The following EVA1A variants were observed in gnomAD, a reference collection of about 807,000 sequenced individuals.
EVA1A encodes eva-1 homolog A, regulator of programmed cell death.
EVA1A carries 7 observed loss-of-function variants against 9.8 expected under a neutral mutation model. That is an observed-to-expected ratio of 0.71 (90% CI 0.41 to 1.34). The LOEUF (loss-of-function observed/expected upper bound fraction) is 1.34. Ranked by LOEUF, EVA1A falls within the 40% of genes most tolerant of loss-of-function variation. The pLI is 0.01. For synonymous variants in EVA1A, 90 were observed against 85.6 expected (o/e 1.05, Z -0.28); for missense variants, 206 against 205.9 (o/e 1.00, Z 0.00).
intron 1 of EVA1A, among the ~76,000 whole-genome samples, chr2:75,532,332 A>T (rs1206325581): frequency 1.3e-5 from 2 of 152,174 alleles, no homozygotes; most frequent in East Asian, 3.8e-4. Flanking sequence ...CTTGTAACAC[A>T]GCCAGTGTTT....
Position 75,518,206 on chromosome 2 carries a change from C to T in EVA1A, c.-66G>A. 6.3e-7 allele frequency: 1 copy of T among 1,590,550 alleles called. No homozygotes were observed. The highest frequency in any genetic ancestry group is 8.5e-7 in the Non-Finnish European group (1 of 1,170,432). On this transcript the variant is annotated splice_region_variant and 5_prime_UTR_variant, in exon 3 of 4. Transcript: ENST00000393913. The stretch of plus-strand genomic sequence containing the variant: ...TCAACGTGGCCACTCTCCTTCTTCT[C>T]TTCTGTTTGGGAACATAAAGTGAGT...
intron 3 of EVA1A, chr2:75,517,700 G>T: frequency 1.5e-6 from 1 of 677,866 alleles, no homozygotes; most frequent in Non-Finnish European, 2.7e-6. Flanking sequence ...GCCTGTGTGA[G>T]GTTAACTGCA....
intron 1 of EVA1A, among the ~76,000 whole-genome samples, chr2:75,544,934 G>T (rs2103951001): frequency 6.6e-6 from 1 of 152,208 alleles, no homozygotes; most frequent in East Asian, 1.9e-4. Flanking sequence ...AAAATACAGG[G>T]GTACACTTGA....
chr2:75,551,513 C>T (rs1676523886), intron 1 of EVA1A, among the ~76,000 whole-genome samples: 1 of 152,244 alleles, frequency 6.6e-6, no homozygotes, highest in South Asian at 2.1e-4. Flanking sequence ...ATCCCCTTCC[C>T]TGTTGACTTC....
Position 75,493,120 on chromosome 2 carries a change from T to G in EVA1A, c.*116A>C, listed in dbSNP as rs553732587. ...TGGCTAGAAAAGGGGCATGTCCTGC[T>G]TTTTCTCTGAAATCACAATATTAGC... On this transcript the variant is annotated 3_prime_UTR_variant, in exon 4 of 4. Coordinates refer to ENST00000393913, the MANE Select transcript of EVA1A (RefSeq NM_001135032.2). The G allele has an allele frequency of 1.7e-5, 24 of 1,429,190 alleles. No individual in the cohort carries two copies. In the African/African-American group the frequency reaches 3.0e-4, roughly 18 times the overall value. The allele number at this position is 1,429,190 out of a possible 1,614,324, so 88.5% of individuals were successfully genotyped here. A position where few individuals can be genotyped will look rare whatever the true frequency, so the allele number is the denominator to read the frequency against.
intron 1 of EVA1A, among the ~76,000 whole-genome samples, chr2:75,566,560 G>A (rs1677032719): frequency 6.6e-6 from 1 of 152,152 alleles, no homozygotes. Context: ...ATGAAATATT[G>A]AGTAAAAAGC....
At chr2:75,531,534 T>TTA (rs57814618) in intron 1 of EVA1A, among the ~76,000 whole-genome samples, 45,249 of 149,984 alleles carry the variant, frequency 0.3, 8,159 homozygotes, top group African/African-American at 0.51. Flanking sequence ...TAATATGTAG[T>TTA]TATATATATA....
chr2:75,520,332 T>C (rs2103854129), intron 2 of EVA1A, among the ~76,000 whole-genome samples: 1 of 152,080 alleles, frequency 6.6e-6, no homozygotes. Flanking sequence ...TTTGCAGAAA[T>C]AAAAAAATCC....
intron 1 of EVA1A, among the ~76,000 whole-genome samples, chr2:75,566,590 T>A (rs76599032): frequency 0.025 from 3,808 of 152,312 alleles, 151 homozygotes; most frequent in African/African-American, 0.086. Context: ...GTATCCTCTT[T>A]ATCTGTTCTA....
At chr2:75,496,441 A>G (rs927268750) in intron 3 of EVA1A, among the ~76,000 whole-genome samples, 8 of 152,222 alleles carry the variant, frequency 5.3e-5, no homozygotes, top group Non-Finnish European at 1.2e-4. Context: ...AATTGCCACA[A>G]AAATAATAAA....
intron 1 of EVA1A, among the ~76,000 whole-genome samples, chr2:75,537,124 G>A (rs1002111817): frequency 1.3e-5 from 2 of 152,060 alleles, no homozygotes; most frequent in Non-Finnish European, 2.9e-5. Context: ...GACTTTTTAT[G>A]ACATGACTAC....
rs144919762 is a variant in EVA1A, at chr2:75,550,272, C to T, written c.-192+10408G>A. Among the ~76,000 whole-genome samples the T allele has an allele frequency of 6.1e-3, 934 of 152,326 alleles. 13 individuals are homozygous for T. Among genetic ancestry groups the T allele is most frequent in the African/African-American group, 0.021 (884 of 41,570 alleles). Reference sequence around the variant, plus strand: ...CTTATAATGGACCTTTCATTTCCTACAAGGTCTAAACAACTCTCTGTCTCC... The same window carrying T: ...CTTATAATGGACCTTTCATTTCCTATAAGGTCTAAACAACTCTCTGTCTCC... On this transcript the variant is annotated intron_variant, in intron 1 of 3. Coordinates refer to ENST00000393913, the MANE Select transcript of EVA1A (RefSeq NM_001135032.2).
chr2:75,558,946 T>C (rs1676820297), intron 1 of EVA1A, among the ~76,000 whole-genome samples: 1 of 152,188 alleles, frequency 6.6e-6, no homozygotes, highest in East Asian at 1.9e-4. Flanking sequence ...TAAGGCAATA[T>C]AGCCGCATGA....
chr2:75,511,250 T>G (rs1387115497), intron 3 of EVA1A, among the ~76,000 whole-genome samples: 1 of 152,214 alleles, frequency 6.6e-6, no homozygotes, highest in Non-Finnish European at 1.5e-5. Flanking sequence ...CAGTTGATAA[T>G]TTACACATAC....
intron 1 of EVA1A, among the ~76,000 whole-genome samples, chr2:75,559,302 T>G (rs900525328): frequency 2.0e-5 from 3 of 152,198 alleles, no homozygotes; most frequent in Non-Finnish European, 4.4e-5. Context: ...TGGATGTCAC[T>G]TGGGAAGTAA....
intron 2 of EVA1A, 62 bp from the exon 3 acceptor site, chr2:75,518,270 GTAGCCTGGACTCCTAAAGACATATTTT>G (rs1675087384): frequency 6.9e-7 from 1 of 1,454,398 alleles, no homozygotes; most frequent in Non-Finnish European, 9.1e-7. Context: ...CATGTTCCAG[GTAGCCTGGACTCCTAAAGACATATTTT>G]TGCAACAGCT....
At chr2:75,545,242 AG>A (rs1350248946) in intron 1 of EVA1A, among the ~76,000 whole-genome samples, 6 of 152,232 alleles carry the variant, frequency 3.9e-5, no homozygotes, top group Non-Finnish European at 7.3e-5. Context: ...GAAAGGCAGA[AG>A]TAGAAAAGGG....
At chr2:75,554,482 C>T (rs754436566) in intron 1 of EVA1A, among the ~76,000 whole-genome samples, 8 of 152,174 alleles carry the variant, frequency 5.3e-5, no homozygotes, top group Non-Finnish European at 7.4e-5. Flanking sequence ...CCATTCCTAT[C>T]CCAACCACAG....
At chr2:75,557,281 T>C (rs1572995382) in intron 1 of EVA1A, among the ~76,000 whole-genome samples, 3 of 152,270 alleles carry the variant, frequency 2.0e-5, no homozygotes, top group South Asian at 4.1e-4. Context: ...TTAGAAGCAA[T>C]AGAAGATTCC....
Sources: allele counts gnomAD v4.1 joint callset (sites outside exome capture counted in the v4.1 genomes callset), GRCh38; gene constraint gnomAD v4.1.1; transcripts MANE v1.5; gene names NCBI Gene and HGNC (gene_info 2026-07-23, HGNC 2026-07-21).